The following PKD1L3 variants were observed in gnomAD, a reference collection of about 807,000 sequenced individuals.
The protein encoded by PKD1L3 is polycystin-1-like protein 3.
Under a neutral mutation model 184.1 loss-of-function variants are expected in PKD1L3, and 239 were observed. The observed-to-expected ratio is 1.30, with a 90% CI of 1.17 to 1.45. The LOEUF (loss-of-function observed/expected upper bound fraction) is 1.45. Ranked by LOEUF, PKD1L3 falls within the 40% of genes most tolerant of loss-of-function variation. The pLI is 0.00. For synonymous variants in PKD1L3, 996 were observed against 778.8 expected (o/e 1.28, Z -4.64); for missense variants, 2,660 against 2,067.2 (o/e 1.29, Z -5.56).
At chr16:71,956,489 G>A (rs564743714) in intron 16 of PKD1L3, among the ~76,000 whole-genome samples, 5 of 151,958 alleles carry the variant, frequency 3.3e-5, no homozygotes, top group Admixed American at 6.6e-5. Context: ...CACCGCACCC[G>A]GCCCAAAAAG....
In PKD1L3 at chr16:71,932,559, C is replaced by T. The variant is rs138135850; in HGVS notation, c.4926+861G>A. Among the ~76,000 whole-genome samples the T allele has an allele frequency of 6.2e-3, 942 of 152,048 alleles. 14 individuals carry two copies. Among genetic ancestry groups the T allele is most frequent in the African/African-American group, 0.02 (833 of 41,478 alleles). ...CACAATCTCAGCTCACTGCAACCTC[C>T]GCCTGCCAGGTTAAGGCAATTCTCC... On this transcript the variant is annotated intron_variant, in intron 28 of 29. Coordinates refer to ENST00000620267, the MANE Select transcript of PKD1L3 (RefSeq NM_181536.2).
chr16:71,980,096 C>A lies in PKD1L3; in HGVS notation c.1182G>T (p.Gly394=). 6.4e-7 allele frequency: 1 copy of A among 1,551,732 alleles called. No individual in the cohort carries two copies. The part of the protein sequence containing the change: ...DILEMSLVEF[G]NIGEAFLEQN... Reference sequence around the variant, plus strand: ...GCTCTAGAAATGCTTCCCCGATATTCCCAAACTCCACCAAGGACATTTCCA... The same window carrying A: ...GCTCTAGAAATGCTTCCCCGATATTACCAAACTCCACCAAGGACATTTCCA... The change falls in exon 8 of 30, where the codon GGG becomes GGT. Residue 394 remains glycine, a synonymous_variant. Transcript: ENST00000620267.
chr16:71,984,144 G>T lies in PKD1L3; in HGVS notation c.858C>A (p.Asn286Lys). The T allele has an allele frequency of 1.9e-6, 3 of 1,551,672 alleles. No homozygotes were observed. Among genetic ancestry groups the T allele is most frequent in the South Asian group, 1.2e-5 (1 of 84,052 alleles). Residue 286 changes from asparagine (N) to lysine (K), a missense_variant, in exon 6 of 30, where the codon AAC becomes AAA. Physicochemically the swap from Asn to Lys is moderately conservative, Grantham distance 94 (BLOSUM62 0). Transcript: ENST00000620267. ...GCAAACCATGAACTGCTCTGCTGAA[G>T]TTCCCTGCTATCTCATCTATGACCT... ...SGQVIDEIAG[N>K]FSRAVHGLQA...
chr16:71,967,547 C>T (rs1013889296), intron 14 of PKD1L3, among the ~76,000 whole-genome samples: 2 of 152,158 alleles, frequency 1.3e-5, no homozygotes, highest in East Asian at 1.9e-4. Flanking sequence ...TTAGTGCAAC[C>T]TCTGCCTCCC....
chr16:71,986,572 T>C (rs1005017618), intron 4 of PKD1L3, 103 bp from the exon 5 acceptor site: 7 of 1,262,998 alleles, frequency 5.5e-6, no homozygotes, highest in Non-Finnish European at 7.5e-6. Context: ...TCCTATGAGA[T>C]ACTAATAGGC....
At position 71,973,339 on chromosome 16, in the gene PKD1L3, G is replaced by C; in HGVS notation, c.1938C>G (p.Ser646Arg). Residue 646 changes from serine (S) to arginine (R), a missense_variant, in exon 12 of 30, where the codon AGC becomes AGG. Transcript: ENST00000620267. ...YYWEIHNQTW[S>R]SAGCQVGPQS... ...AGTTTCTTACTTGGCATCCGGCGCTGCTCCATGTCTGGTTGTGGATCTCCC... is the reference window on the plus strand; with the variant it reads ...AGTTTCTTACTTGGCATCCGGCGCTCCTCCATGTCTGGTTGTGGATCTCCC... The C allele has an allele frequency of 6.4e-7, 1 of 1,551,636 alleles. No individual in the cohort carries two copies. Among genetic ancestry groups the C allele is most frequent in the South Asian group, 1.2e-5 (1 of 84,066 alleles).
At chr16:71,964,621 G>A (rs1169288649) in intron 15 of PKD1L3, among the ~76,000 whole-genome samples, 1 of 151,816 alleles carries the variant, frequency 6.6e-6, no homozygotes, top group African/African-American at 2.4e-5. Flanking sequence ...TCACAGGCAT[G>A]AGACACCATG....
chr16:71,956,512 T>G (rs1027979336), intron 16 of PKD1L3, among the ~76,000 whole-genome samples: 23 of 152,096 alleles, frequency 1.5e-4, no homozygotes, highest in Non-Finnish European at 3.2e-4. Flanking sequence ...AGGAAATTCT[T>G]GCACATGCTA....
At chr16:71,961,991 C>T (rs28654207) in intron 16 of PKD1L3, among the ~76,000 whole-genome samples, 1 of 152,050 alleles carries the variant, frequency 6.6e-6, no homozygotes. Flanking sequence ...GTGGCTGTAT[C>T]TCGGCTCACT....
chr16:72,000,054 C>T lies in PKD1L3; in HGVS notation c.-76G>A. 8.3e-7 allele frequency: 1 copy of T among 1,205,512 alleles called. No homozygotes were observed. The highest frequency in any genetic ancestry group is 1.1e-6 in the Non-Finnish European group (1 of 892,340). The allele number at this position is 1,205,512 out of a possible 1,614,324, so 74.7% of individuals were successfully genotyped here. On this transcript the variant is annotated 5_prime_UTR_variant, in exon 1 of 30. Coordinates refer to ENST00000620267, the MANE Select transcript of PKD1L3 (RefSeq NM_181536.2). ...TCCTTTAAATATATATATTGGCGGG[C>T]TTGTCTTATTAGTATTATTCTTTTA...
At chr16:71,994,774 G>C (rs1020746077) in intron 2 of PKD1L3, among the ~76,000 whole-genome samples, 1 of 152,252 alleles carries the variant, frequency 6.6e-6, no homozygotes, top group Admixed American at 6.5e-5. Context: ...CGAGGAGACT[G>C]TATCACCTGA....
At chr16:71,965,889 G>C (rs1345026092) in intron 15 of PKD1L3, among the ~76,000 whole-genome samples, 1 of 152,130 alleles carries the variant, frequency 6.6e-6, no homozygotes, top group Non-Finnish European at 1.5e-5. Context: ...CATTCTGATG[G>C]ATGGCTAGTG....
At chr16:71,953,843 A>C (rs2038942872) in intron 17 of PKD1L3, among the ~76,000 whole-genome samples, 1 of 152,200 alleles carries the variant, frequency 6.6e-6, no homozygotes, top group Non-Finnish European at 1.5e-5. Context: ...GGGTGGGGAC[A>C]CAGAGCCAAA....
intron 5 of PKD1L3, among the ~76,000 whole-genome samples, chr16:71,985,206 CAA>C (rs753384601): frequency 6.6e-6 from 1 of 150,524 alleles, no homozygotes; most frequent in East Asian, 1.9e-4. Flanking sequence ...AAAACAAAAA[CAA>C]AAACAAAAAT....
intron 18 of PKD1L3, 71 bp downstream of exon 18, chr16:71,952,823 G>T: frequency 6.9e-7 from 1 of 1,456,184 alleles, no homozygotes; most frequent in Non-Finnish European, 9.3e-7. Context: ...GTGCAACAGA[G>T]CCAGACCCTA....
chr16:71,977,153 C>T, intron 11 of PKD1L3, 83 bp downstream of exon 11: 3 of 1,053,606 alleles, frequency 2.8e-6, no homozygotes, highest in South Asian at 3.0e-5. Flanking sequence ...TTTGAGGCTG[C>T]AGTCAACAAT....
At chr16:71,941,645 C>A (rs2143218519) in intron 24 of PKD1L3, among the ~76,000 whole-genome samples, 1 of 145,842 alleles carries the variant, frequency 6.9e-6, no homozygotes, top group South Asian at 2.1e-4. Context: ...AGAGCAGTGG[C>A]ACCGTCTCAG....
intron 7 of PKD1L3, among the ~76,000 whole-genome samples, chr16:71,980,903 T>C (rs1300152530): frequency 6.6e-6 from 1 of 152,194 alleles, no homozygotes; most frequent in Non-Finnish European, 1.5e-5. Flanking sequence ...TCCCTCTAGC[T>C]CTAGGCAACA....
At chr16:71,931,463 CTTTTTTTTTTT>C (rs11405919) in intron 28 of PKD1L3, among the ~76,000 whole-genome samples, 4 of 115,920 alleles carry the variant, frequency 3.5e-5, no homozygotes, top group African/African-American at 6.8e-5. Context: ...TTCTCCCCCA[CTTTTTTTTTTT>C]TTTTTTTTTT....
Sources: gnomAD v4.1 joint callset for allele counts (sites outside exome capture counted in the v4.1 genomes callset) on GRCh38, gnomAD v4.1.1 for gene constraint, MANE v1.5 for transcripts, NCBI Gene and HGNC (gene_info 2026-07-23, HGNC 2026-07-21) for gene names.